CEP63: variants seen among roughly 807,000 people sequenced by gnomAD.
The protein encoded by CEP63 is centrosomal protein 63, also known as centrosomal protein of 63 kDa.
In CEP63, 84 loss-of-function variants were observed where a neutral mutation model predicts 89.1. That is an observed-to-expected ratio of 0.94 (90% confidence interval 0.79 to 1.13). The LOEUF (loss-of-function observed/expected upper bound fraction) is 1.13. CEP63 is among the 50% of genes most tolerant of loss of function. The probability of loss-of-function intolerance (pLI) is 0.00; values close to 1 mark genes in which losing one functional copy is unlikely to be tolerated. For synonymous variants in CEP63, 267 were observed against 272.5 expected (o/e 0.98, Z 0.20); for missense variants, 838 against 813.3 (o/e 1.03, Z -0.37).
chr3:134,534,189 T>C (rs530689359), intron 5 of CEP63, among the ~76,000 whole-genome samples: 3 of 152,202 alleles, frequency 2.0e-5, no homozygotes, highest in Non-Finnish European at 4.4e-5. Flanking sequence ...TCTCTGACAT[T>C]ACTCTTATCA....
the CEP63 span, among the ~76,000 whole-genome samples, chr3:134,602,897 G>T: frequency 1.3e-4 from 20 of 152,340 alleles, 1 homozygote; most frequent in African/African-American, 4.6e-4. Context: ...CAACTTTCTG[G>T]TTGTCACATT....
At chr3:134,603,578 C>T in the CEP63 span, 7 of 1,570,460 alleles carry the variant, frequency 4.5e-6, no homozygotes, top group South Asian at 7.2e-5. Context: ...GGGCACAGCC[C>T]TCACTGGGCA....
the CEP63 span, chr3:134,643,375 T>A: frequency 1.2e-6 from 2 of 1,613,602 alleles, no homozygotes; most frequent in South Asian, 1.1e-5. Flanking sequence ...CTCCACCAAG[T>A]TTTCTATTTA....
At chr3:134,762,471 A>G in the CEP63 span, among the ~76,000 whole-genome samples, 122 of 152,328 alleles carry the variant, frequency 8.0e-4, no homozygotes, top group African/African-American at 2.8e-3. Flanking sequence ...CTGGTACTTC[A>G]GAACATGACC....
chr3:134,489,535 T>A (rs1936916493), intron 1 of CEP63, among the ~76,000 whole-genome samples: 1 of 152,166 alleles, frequency 6.6e-6, no homozygotes, highest in African/African-American at 2.4e-5. Flanking sequence ...ATAGTGAAAT[T>A]CCCCAAGACT....
chr3:134,625,701 C>T, the CEP63 span, among the ~76,000 whole-genome samples: 1 of 152,370 alleles, frequency 6.6e-6, no homozygotes, highest in African/African-American at 2.4e-5. Flanking sequence ...CCCAGACAGG[C>T]TTCCTCCTTT....
chr3:134,497,851 T>A (rs147563714), intron 2 of CEP63, among the ~76,000 whole-genome samples: 80 of 152,332 alleles, frequency 5.3e-4, no homozygotes, highest in Middle Eastern at 3.4e-3. Context: ...CCATTGTATG[T>A]TATTGGCACC....
At chr3:134,700,243 C>G in the CEP63 span, among the ~76,000 whole-genome samples, 1 of 151,730 alleles carries the variant, frequency 6.6e-6, no homozygotes, top group Non-Finnish European at 1.5e-5. Flanking sequence ...ATCCTGTCCT[C>G]TCCACTTCCA....
At chr3:134,765,987 A>G in the CEP63 span, among the ~76,000 whole-genome samples, 2 of 152,182 alleles carry the variant, frequency 1.3e-5, no homozygotes, top group Non-Finnish European at 1.5e-5. Flanking sequence ...CATTGTATTT[A>G]TAGGGGTCAG....
intron 10 of CEP63, among the ~76,000 whole-genome samples, chr3:134,585,804 C>T (rs6777951): frequency 1.5e-3 from 227 of 150,600 alleles, no homozygotes; most frequent in African/African-American, 5.2e-3. Context: ...TTAAAGTCTC[C>T]CATTATTATT....
At chr3:134,728,464 C>T in the CEP63 span, among the ~76,000 whole-genome samples, 13 of 152,166 alleles carry the variant, frequency 8.5e-5, no homozygotes, top group African/African-American at 3.1e-4. Flanking sequence ...GGATATCACC[C>T]AAATGCTCAA....
At chr3:134,577,987 G>A (rs572452335), downstream of CEP63, among the ~76,000 whole-genome samples, 27 of 152,298 alleles carry the variant, frequency 1.8e-4, no homozygotes, top group Non-Finnish European at 3.4e-4. Context: ...ATTCCATGGT[G>A]TATATGTGCC....
the CEP63 span, among the ~76,000 whole-genome samples, chr3:134,670,921 T>C: frequency 6.6e-6 from 1 of 152,196 alleles, no homozygotes; most frequent in Non-Finnish European, 1.5e-5. Context: ...GTTAGAAGGA[T>C]ATTATAGTAT....
intron 8 of CEP63, 146 bp downstream of exon 8, chr3:134,546,434 C>T (rs1953335804): frequency 6.8e-6 from 5 of 737,480 alleles, no homozygotes; most frequent in Admixed American, 6.3e-5. Context: ...TCTCAGCTCA[C>T]TGCAACCTCA....
Position 134,563,869 on chromosome 3 carries a change from A to C in CEP63, c.*2334A>C, listed in dbSNP as rs1016266805. ...TCCTTTCTGTTTATTGAGTGCAGCA[A>C]GCTTTAACCTGTTCGGGTCTTTCAT... On this transcript the variant is annotated 3_prime_UTR_variant, in exon 15 of 15. Transcript: ENST00000675561. 3 of 152,274 alleles carry C rather than the reference A, an allele frequency of 2.0e-5. No homozygotes were observed. The highest frequency in any genetic ancestry group is 6.5e-5 in the Admixed American group (1 of 15,280). 9.4% of individuals were successfully genotyped at this position (152,274 alleles called of 1,614,324 possible). A position where few individuals can be genotyped will look rare whatever the true frequency, so the allele number is the denominator to read the frequency against.
At chr3:134,509,754 A>T (rs1944396216) in intron 3 of CEP63, among the ~76,000 whole-genome samples, 1 of 152,210 alleles carries the variant, frequency 6.6e-6, no homozygotes, top group African/African-American at 2.4e-5. Flanking sequence ...ACTCAATTGG[A>T]TACATTAAAT....
the CEP63 span, among the ~76,000 whole-genome samples, chr3:134,765,670 A>G: frequency 6.6e-6 from 1 of 152,276 alleles, no homozygotes; most frequent in Non-Finnish European, 1.5e-5. Flanking sequence ...TTCAGTACTT[A>G]GTGGGGAGAG....
chr3:134,565,073 G>A (rs992094715), downstream of CEP63: 38 of 539,380 alleles, frequency 7.0e-5, no homozygotes, highest in African/African-American at 2.5e-4. Context: ...AAATCTGTCC[G>A]TGATCAGGGT....
the CEP63 span, among the ~76,000 whole-genome samples, chr3:134,764,424 A>C: frequency 1.3e-5 from 2 of 152,140 alleles, no homozygotes; most frequent in South Asian, 4.1e-4. Flanking sequence ...TTTAAAAATA[A>C]TTCTGACCCT....
Sources: allele counts gnomAD v4.1 joint callset (sites outside exome capture counted in the v4.1 genomes callset), GRCh38; gene constraint gnomAD v4.1.1; transcripts MANE v1.5; gene names NCBI Gene and HGNC (gene_info 2026-07-23, HGNC 2026-07-21).